The following TBC1D21 variants were observed in gnomAD, a reference collection of about 807,000 sequenced individuals.
The protein encoded by TBC1D21 is TBC1 domain family member 21.
TBC1D21 carries 38 observed loss-of-function variants against 46.0 expected under a neutral mutation model. The ratio of observed to expected loss-of-function variants is 0.83; its 90% CI spans 0.64 to 1.08. The LOEUF is 1.08. TBC1D21 is among the 50% of genes least tolerant of loss of function. The probability of loss-of-function intolerance (pLI) is 0.00; values close to 1 mark genes in which losing one functional copy is unlikely to be tolerated. For missense variants in TBC1D21, 415 were observed against 417.9 expected (o/e 0.99, Z 0.06); for synonymous variants, 151 against 157.2 (o/e 0.96, Z 0.29).
the TBC1D21 span, among the ~76,000 whole-genome samples, chr15:73,898,071 G>A: frequency 6.6e-6 from 1 of 152,202 alleles, no homozygotes; most frequent in Non-Finnish European, 1.5e-5. Flanking sequence ...CCTCAGCTGA[G>A]TCATCTCCCC....
In TBC1D21 at chr15:73,886,153, C is replaced by A. The variant is rs1204714045; in HGVS notation, c.655C>A (p.Pro219Thr). 1.2e-6 allele frequency: 2 copies of A among 1,614,048 alleles called. No individual in the cohort carries two copies. Among genetic ancestry groups the A allele is most frequent in the African/African-American group, 1.3e-5 (1 of 74,920 alleles). ...CAGCACCCTGATCACCTTCCTGGACCCCGTGTTTGCTGAGCACCTAAGTGA... is the reference window on the plus strand; with the variant it reads ...CAGCACCCTGATCACCTTCCTGGACACCGTGTTTGCTGAGCACCTAAGTGA... ...MLSTLITFLD[P>T]VFAEHLKGKG... Residue 219 changes from proline to threonine, a missense_variant, in exon 7 of 11, where the codon CCC (proline) becomes ACC (threonine). By Grantham distance (38) the Pro-to-Thr change is conservative (BLOSUM62 -1). Transcript: ENST00000300504.
chr15:73,892,900 G>T (rs1313515368), downstream of TBC1D21, among the ~76,000 whole-genome samples: 1 of 152,216 alleles, frequency 6.6e-6, no homozygotes, highest in African/African-American at 2.4e-5. Context: ...TGATGGTGAT[G>T]TCGGCGACGT....
At chr15:73,892,260 T>C (rs1426384127), downstream of TBC1D21, among the ~76,000 whole-genome samples, 2 of 152,216 alleles carry the variant, frequency 1.3e-5, no homozygotes, top group African/African-American at 4.8e-5. Flanking sequence ...CTTGTCCACA[T>C]ACCTCATTCT....
At chr15:73,893,345 C>T (rs1394412133), downstream of TBC1D21, among the ~76,000 whole-genome samples, 2 of 152,106 alleles carry the variant, frequency 1.3e-5, no homozygotes, top group African/African-American at 4.8e-5. Context: ...AATGAATCAC[C>T]GTGGCCATGA....
the TBC1D21 span, among the ~76,000 whole-genome samples, chr15:73,900,876 G>C: frequency 6.6e-6 from 1 of 152,192 alleles, no homozygotes; most frequent in African/African-American, 2.4e-5. Context: ...GTATCAGTCT[G>C]CTCATCTGTA....
At chr15:73,874,750 A>G (rs1302616883) in intron 1 of TBC1D21, among the ~76,000 whole-genome samples, 2 of 152,230 alleles carry the variant, frequency 1.3e-5, no homozygotes, top group Admixed American at 6.5e-5. Context: ...GACGAAGCCC[A>G]GAGATCTGTG....
intron 4 of TBC1D21, 42 bp from the exon 5 acceptor site, chr15:73,884,739 T>C (rs1437813792): frequency 2.1e-6 from 3 of 1,433,248 alleles, no homozygotes; most frequent in East Asian, 2.3e-5. Context: ...ACCTGCTGGA[T>C]GTGATCTGGT....
At chr15:73,899,160 G>C in the TBC1D21 span, among the ~76,000 whole-genome samples, 108 of 152,076 alleles carry the variant, frequency 7.1e-4, no homozygotes, top group African/African-American at 2.6e-3. Flanking sequence ...AGTCTCCTAG[G>C]AGCCTGAAGT....
intron 1 of TBC1D21, among the ~76,000 whole-genome samples, chr15:73,876,186 A>G (rs2068056011): frequency 2.1e-5 from 2 of 96,206 alleles, no homozygotes; most frequent in Non-Finnish European, 4.6e-5. Flanking sequence ...AGAATCAGTG[A>G]CTTTTTTTGT....
chr15:73,898,880 AATAT>A, the TBC1D21 span, among the ~76,000 whole-genome samples: 893 of 56,748 alleles, frequency 0.016, 63 homozygotes, highest in African/African-American at 0.043. Context: ...AAAAAAAAAA[AATAT>A]ATATATATAT....
rs1377573252 is a variant in TBC1D21 at position 73,884,033 on chromosome 15, A to G, written c.273-118A>G. On this transcript the variant is annotated intron_variant, in intron 3 of 10. Coordinates refer to ENST00000300504, the MANE Select transcript of TBC1D21 (RefSeq NM_153356.3). Reference sequence around the variant, plus strand: ...AGGGACAGCATCACAGGTAGGGTGCATGGCTGGGTGAGGGTGCTGCCCTGG... The same window carrying G: ...AGGGACAGCATCACAGGTAGGGTGCGTGGCTGGGTGAGGGTGCTGCCCTGG... The G allele has an allele frequency of 1.4e-5, 11 of 807,112 alleles. No individual in the cohort carries two copies. In the East Asian group the frequency reaches 2.7e-4, roughly 20 times the overall value. The allele number at this position is 807,112 out of a possible 1,614,324, so 50.0% of individuals were successfully genotyped here.
chr15:73,883,587 G>T (rs1317029187), intron 3 of TBC1D21, among the ~76,000 whole-genome samples: 1 of 152,194 alleles, frequency 6.6e-6, no homozygotes, highest in Non-Finnish European at 1.5e-5. Context: ...AAGTCTTACG[G>T]ATCTCGTCCG....
chr15:73,881,600 G>T, intron 2 of TBC1D21, 44 bp from the exon 3 acceptor site: 1 of 1,603,086 alleles, frequency 6.2e-7, no homozygotes. Context: ...CTTTTGGTAG[G>T]CATCGATAGA....
At chr15:73,899,595 G>A in the TBC1D21 span, among the ~76,000 whole-genome samples, 2 of 152,188 alleles carry the variant, frequency 1.3e-5, no homozygotes, top group African/African-American at 4.8e-5. Flanking sequence ...GAGGTGGGAG[G>A]TGGCGGGACA....
At chr15:73,886,640 G>T (rs750854875) in intron 8 of TBC1D21, 28 bp downstream of exon 8, 1 of 1,601,268 alleles carries the variant, frequency 6.2e-7, no homozygotes, top group South Asian at 1.1e-5. Context: ...GGATCATCAG[G>T]CTGGGCTCCA....
intron 6 of TBC1D21, among the ~76,000 whole-genome samples, chr15:73,885,876 A>C (rs900394647): frequency 6.6e-6 from 1 of 151,908 alleles, no homozygotes; most frequent in African/African-American, 2.4e-5. Flanking sequence ...ACATATACAG[A>C]CAAACTTGCA....
chr15:73,899,780 T>C, the TBC1D21 span, among the ~76,000 whole-genome samples: 1 of 152,164 alleles, frequency 6.6e-6, no homozygotes, highest in Non-Finnish European at 1.5e-5. Flanking sequence ...CACATTAGTC[T>C]GGGGGCTGTA....
intron 3 of TBC1D21, among the ~76,000 whole-genome samples, chr15:73,882,473 T>A (rs2068173082): frequency 6.6e-6 from 1 of 152,100 alleles, no homozygotes; most frequent in African/African-American, 2.4e-5. Context: ...CATCTGCCTA[T>A]CAGTAGCCCA....
intron 1 of TBC1D21, among the ~76,000 whole-genome samples, chr15:73,880,352 C>T (rs1311028410): frequency 6.6e-6 from 1 of 151,390 alleles, no homozygotes; most frequent in African/African-American, 2.4e-5. Context: ...CAGAGACTAT[C>T]TCTCATAATG....
Sources: gnomAD v4.1 joint callset for allele counts (sites outside exome capture counted in the v4.1 genomes callset) on GRCh38, gnomAD v4.1.1 for gene constraint, MANE v1.5 for transcripts, NCBI Gene and HGNC (gene_info 2026-07-23, HGNC 2026-07-21) for gene names.